The following PRMT8 variants were observed in gnomAD, a reference collection of about 807,000 sequenced individuals.
The protein encoded by PRMT8 is protein arginine methyltransferase 8.
In PRMT8, 7 loss-of-function variants were observed where a neutral mutation model predicts 47.1. The ratio of observed to expected loss-of-function variants is 0.15; its 90% CI spans 0.08 to 0.28. The LOEUF (loss-of-function observed/expected upper bound fraction) is 0.28, where lower values mean the gene tolerates loss of function less well. Ranked by LOEUF, PRMT8 falls within the 10% of genes least tolerant of loss-of-function variation. The probability of loss-of-function intolerance (pLI) is 1.00; values close to 1 mark genes in which losing one functional copy is unlikely to be tolerated. For synonymous variants in PRMT8, 188 were observed against 186.5 expected, an observed-to-expected ratio of 1.01 and a Z score of -0.07; for missense variants, 237 against 505.4, an observed-to-expected ratio of 0.47 and a Z score of 5.09.
intron 1 of PRMT8, among the ~76,000 whole-genome samples, chr12:3,531,862 G>C (rs1305858188): frequency 6.6e-6 from 1 of 152,228 alleles, no homozygotes; most frequent in Non-Finnish European, 1.5e-5. Context: ...CCGGCTCTGG[G>C]AATCTTGGTT....
upstream of PRMT8, among the ~76,000 whole-genome samples, chr12:3,486,941 G>C (rs946074098): frequency 2.0e-5 from 3 of 152,244 alleles, no homozygotes; most frequent in Admixed American, 6.5e-5. Context: ...GCAGGTATTG[G>C]TGGCACTCAG....
intron 1 of PRMT8, among the ~76,000 whole-genome samples, chr12:3,472,494 G>A (rs111556941): frequency 2.0e-5 from 3 of 152,190 alleles, no homozygotes; most frequent in Non-Finnish European, 2.9e-5. Context: ...CGGCTCTGCC[G>A]CTTGCAAGCT....
chr12:3,392,134 G>A (rs1445950094), intron 1 of PRMT8, among the ~76,000 whole-genome samples: 1 of 152,128 alleles, frequency 6.6e-6, no homozygotes, highest in Non-Finnish European at 1.5e-5. Context: ...ATTACAGCCT[G>A]GGGCCAGATC....
chr12:3,505,505 ATAGCAAGAGCTACCATTT>A (rs1457342481), intron 1 of PRMT8, among the ~76,000 whole-genome samples: 2 of 152,214 alleles, frequency 1.3e-5, no homozygotes, highest in Non-Finnish European at 2.9e-5. Context: ...AGCAATCACT[ATAGCAAGAGCTACCATTT>A]TAGCATACAT....
rs537341448 is a variant in PRMT8, at chr12:3,443,512, G to A, written c.48+62070G>A. Among the ~76,000 whole-genome samples, 4 of 152,132 alleles carry A rather than the reference G, an allele frequency of 2.6e-5. No individual in the cohort carries two copies. The South Asian group carries it at 6.2e-4, about 24-fold the overall frequency. On this transcript the variant is annotated intron_variant, in intron 1 of 9. Transcript: ENST00000452611. The stretch of plus-strand genomic sequence containing the variant: ...CCAAGAGACCTCTAAAGCATTTTCC[G>A]AATGGATACACTTCCCTCCCTTTCC...
intron 1 of PRMT8, among the ~76,000 whole-genome samples, chr12:3,531,464 T>G (rs772725161): frequency 2.6e-5 from 4 of 152,196 alleles, no homozygotes; most frequent in Admixed American, 6.5e-5. Flanking sequence ...AAGTGACTAA[T>G]AGTGGAAAAC....
intron 1 of PRMT8, among the ~76,000 whole-genome samples, chr12:3,539,546 C>T (rs1009474991): frequency 3.3e-5 from 5 of 152,198 alleles, no homozygotes; most frequent in Admixed American, 1.3e-4. Context: ...GAGGCCTTTA[C>T]TGTGCCTTGT....
At chr12:3,484,046 T>C (rs1865299398) in intron 1 of PRMT8, among the ~76,000 whole-genome samples, 2 of 152,124 alleles carry the variant, frequency 1.3e-5, no homozygotes, top group African/African-American at 4.8e-5. Flanking sequence ...AAAGCTAAAC[T>C]AGAGCCCAGT....
chr12:3,531,044 G>A (rs1420534392), intron 1 of PRMT8, among the ~76,000 whole-genome samples: 1 of 152,174 alleles, frequency 6.6e-6, no homozygotes, highest in African/African-American at 2.4e-5. Context: ...CTACGAAGCG[G>A]GTACAGGGAA....
chr12:3,403,905 GAA>G (rs1331242877), intron 1 of PRMT8, among the ~76,000 whole-genome samples: 55 of 137,884 alleles, frequency 4.0e-4, no homozygotes, highest in African/African-American at 1.4e-3. Flanking sequence ...AAAAGAGAGA[GAA>G]AAAATGCTGT....
intron 1 of PRMT8, among the ~76,000 whole-genome samples, chr12:3,517,637 C>T (rs1865815571): frequency 6.6e-6 from 1 of 152,064 alleles, no homozygotes; most frequent in African/African-American, 2.4e-5. Flanking sequence ...AAGAAACCTC[C>T]ATTGAGGGAG....
chr12:3,494,231 C>G (rs1265635622), intron 1 of PRMT8, among the ~76,000 whole-genome samples: 1 of 152,140 alleles, frequency 6.6e-6, no homozygotes, highest in African/African-American at 2.4e-5. Flanking sequence ...AACATGAGGA[C>G]CACCTGGTCC....
intron 1 of PRMT8, among the ~76,000 whole-genome samples, chr12:3,411,767 C>T (rs564079549): frequency 6.6e-6 from 1 of 152,192 alleles, no homozygotes; most frequent in African/African-American, 2.4e-5. Flanking sequence ...TGAGCTGGCA[C>T]GCTCTTGCCC....
intron 1 of PRMT8, among the ~76,000 whole-genome samples, chr12:3,439,781 T>A (rs1864779670): frequency 1.3e-5 from 2 of 152,222 alleles, no homozygotes; most frequent in African/African-American, 4.8e-5. Flanking sequence ...GCCTGTATTG[T>A]CTCTGCTGTG....
chr12:3,491,748 C>T (rs1591568127), intron 1 of PRMT8, 48 bp downstream of exon 1: 2 of 1,561,110 alleles, frequency 1.3e-6, no homozygotes, highest in Non-Finnish European at 1.7e-6. Context: ...GCCGCCCACC[C>T]GGACCACCGC....
chr12:3,545,183 G>A (rs150594802), intron 2 of PRMT8, among the ~76,000 whole-genome samples: 26 of 152,342 alleles, frequency 1.7e-4, no homozygotes, highest in Non-Finnish European at 3.2e-4. Context: ...GGGAACTGAG[G>A]CACAGACAGC....
intron 1 of PRMT8, among the ~76,000 whole-genome samples, chr12:3,512,234 C>T (rs1032857918): frequency 6.6e-6 from 1 of 152,148 alleles, no homozygotes. Flanking sequence ...CTGCTTTCTC[C>T]TGCGTCTCCC....
chr12:3,497,531 C>T (rs1283378744), intron 1 of PRMT8, among the ~76,000 whole-genome samples: 1 of 152,164 alleles, frequency 6.6e-6, no homozygotes, highest in African/African-American at 2.4e-5. Flanking sequence ...GGGGTTGTCT[C>T]ACCATTTTTA....
chr12:3,585,532 A>ATTT (rs5796061), intron 8 of PRMT8, among the ~76,000 whole-genome samples: 4 of 140,396 alleles, frequency 2.8e-5, no homozygotes, highest in African/African-American at 5.3e-5. Context: ...ATACTTTTTA[A>ATTT]TTTTTTTTTT....
Sources: gnomAD v4.1 joint callset for allele counts (sites outside exome capture counted in the v4.1 genomes callset) on GRCh38, gnomAD v4.1.1 for gene constraint, MANE v1.5 for transcripts, NCBI Gene and HGNC (gene_info 2026-07-23, HGNC 2026-07-21) for gene names.